The following RMC1 variants were observed in gnomAD, a reference collection of about 807,000 sequenced individuals.
RMC1 encodes the protein regulator of MON1-CCZ1 complex.
In RMC1, 44 loss-of-function variants were observed where a neutral mutation model predicts 95.5. That is an observed-to-expected ratio of 0.46 (90% CI 0.36 to 0.59). RMC1 has a LOEUF of 0.59. Among genes scored for constraint, RMC1 ranks in the 20% least tolerant of loss-of-function variants. The probability of loss-of-function intolerance (pLI) is 0.00; values close to 1 mark genes in which losing one functional copy is unlikely to be tolerated. For synonymous variants in RMC1, 320 were observed against 303.6 expected, an observed-to-expected ratio of 1.05 and a Z score of -0.56; for missense variants, 705 against 819.6, an observed-to-expected ratio of 0.86 and a Z score of 1.71.
chr18:23,525,658 C>T (rs547592168), intron 12 of RMC1, among the ~76,000 whole-genome samples: 17 of 151,682 alleles, frequency 1.1e-4, no homozygotes, highest in Non-Finnish European at 1.9e-4. Flanking sequence ...CTCCTGACCT[C>T]GTGATCTGCC....
chr18:23,503,786 T>C, intron 1 of RMC1, 66 bp downstream of exon 1: 1 of 1,377,942 alleles, frequency 7.3e-7, no homozygotes, highest in Non-Finnish European at 9.7e-7. Context: ...CCAAGGCCGG[T>C]CCCGCGCGAC....
rs114936042 is a variant in RMC1 at position 23,504,170 on chromosome 18, T to A, written c.103-201T>A. Among the ~76,000 whole-genome samples the A allele has an allele frequency of 8.5e-3, 1,288 of 152,388 alleles. 15 individuals are homozygous for A. Among genetic ancestry groups the A allele is most frequent in the African/African-American group, 0.03 (1,233 of 41,594 alleles). ...GGAGCCTCGGGAACCCGACCCGGTG[T>A]CACGGTGGCATCCTTTTCGCTCTCT... On this transcript the variant is annotated intron_variant, in intron 1 of 19. Coordinates refer to ENST00000269221, the MANE Select transcript of RMC1 (RefSeq NM_013326.5).
rs766000038 is a variant in RMC1 at position 23,530,589 on chromosome 18, G to A, written c.1871G>A (p.Arg624Gln). The A allele has an allele frequency of 1.9e-6, 3 of 1,613,872 alleles. No individual in the cohort carries two copies. Among genetic ancestry groups the A allele is most frequent in the Non-Finnish European group, 2.5e-6 (3 of 1,179,804 alleles). Residue 624 changes from arginine (R) to glutamine (Q), a missense_variant, in exon 19 of 20, where the codon CGA (arginine) becomes CAA (glutamine). Physicochemically the swap from Arg to Gln is conservative, Grantham distance 43. Coordinates refer to ENST00000269221, the MANE Select transcript of RMC1 (RefSeq NM_013326.5). ...TTTGAACAGCGAAACCAGCGTTTGC[G>A]AGGGAGCCCCAATTTCACACCAGGT... The part of the protein sequence containing the change: ...RFFEQRNQRL[R>Q]GSPNFTPGEH...
In RMC1 at chr18:23,515,873, G is replaced by A; in HGVS notation, c.426G>A (p.Arg142=). The A allele has an allele frequency of 1.9e-6, 3 of 1,614,128 alleles. No homozygotes were observed. The highest frequency in any genetic ancestry group is 2.5e-6 in the Non-Finnish European group (3 of 1,180,040). ...IEFYQVLPEK[R]SLKLLKSHNL... is the part of the protein sequence containing the mutation. ...TGCTTCAGGTATTACCAGAGAAACG[G>A]AGTCTGAAACTCTTGAAGAGCCACA... Residue 142 remains arginine, a synonymous_variant, in exon 6 of 20, where the codon CGG becomes CGA. Transcript: ENST00000269221.
chr18:23,518,855 C>G lies in RMC1; in HGVS notation c.654-35C>G, dbSNP rs1567922713. ...TTAGAACAAAGGAATTTTGAATGGC[C>G]AGATGTGATTTATGTCTGTTTGTTC... On this transcript the variant is annotated intron_variant, in intron 7 of 19. Coordinates refer to ENST00000269221, the MANE Select transcript of RMC1 (RefSeq NM_013326.5). 1.9e-6 allele frequency: 3 copies of G among 1,589,534 alleles called. No individual in the cohort carries two copies. In the African/African-American group the frequency reaches 4.0e-5, roughly 21 times the overall value.
In RMC1 at chr18:23,531,649, C is replaced by T. The variant is rs2058512459; in HGVS notation, c.1919C>T (p.Ala640Val). 6.2e-7 allele frequency: 1 copy of T among 1,613,266 alleles called. No individual in the cohort carries two copies. Among genetic ancestry groups the T allele is most frequent in the Non-Finnish European group, 8.5e-7 (1 of 1,179,858 alleles). Reference protein sequence around the residue: ...TPGEHCEEHVAFFKQIFGDQA... With the variant: ...TPGEHCEEHVVFFKQIFGDQA... ...GGGGAACACTGTGAAGAACATGTTG[C>T]TTTTTTCAAACAGATTTTTGGAGAC... The change falls in exon 20 of 20, where the codon GCT becomes GTT. Residue 640 changes from alanine to valine, a missense_variant. Physicochemically the swap from Ala to Val is moderately conservative, Grantham distance 64. Transcript: ENST00000269221.
rs1401802715 is a variant in RMC1 at position 23,503,536 on chromosome 18, C to T, written c.-83C>T. The T allele has an allele frequency of 5.2e-6, 5 of 953,728 alleles. No individual in the cohort carries two copies. Among genetic ancestry groups the T allele is most frequent in the Middle Eastern group, 3.7e-4 (1 of 2,722 alleles). The allele number at this position is 953,728 out of a possible 1,614,324, so 59.1% of individuals were successfully genotyped here. On this transcript the variant is annotated 5_prime_UTR_variant, in exon 1 of 20. Transcript: ENST00000269221. ...AGAGCCGCAGCCGCAGCCGCCGCTA[C>T]AGTCCGGGCCGGGCTCCACCGCGCA...
At chr18:23,521,989 G>C (rs1198405724) in intron 10 of RMC1, among the ~76,000 whole-genome samples, 1 of 152,242 alleles carries the variant, frequency 6.6e-6, no homozygotes, top group African/African-American at 2.4e-5. Context: ...TAGTAGTAAT[G>C]TTTTATTCTT....
rs750965677 is a variant in RMC1 at position 23,526,686 on chromosome 18, A to G, written c.1110A>G (p.Leu370=). The G allele has an allele frequency of 6.2e-7, 1 of 1,614,038 alleles. No homozygotes were observed. The highest frequency in any genetic ancestry group is 8.5e-7 in the Non-Finnish European group (1 of 1,180,024). Residue 370 remains leucine, a synonymous_variant, in exon 13 of 20, where the codon TTA becomes TTG. Coordinates refer to ENST00000269221, the MANE Select transcript of RMC1 (RefSeq NM_013326.5). The part of the protein sequence containing the change: ...QVKLEPIVNL[L]PDKGRLMDFL... Reference sequence around the variant, plus strand: ...AACTTGAGCCCATAGTAAATCTCTTACCAGACAAAGGAAGACTCATGGACT... The same window carrying G: ...AACTTGAGCCCATAGTAAATCTCTTGCCAGACAAAGGAAGACTCATGGACT...
chr18:23,529,981 G>C (rs745991444), intron 16 of RMC1, 47 bp from the exon 17 acceptor site: 10 of 1,517,150 alleles, frequency 6.6e-6, no homozygotes, highest in Non-Finnish European at 9.1e-6. Flanking sequence ...GTCTGTTGTA[G>C]CTGAATGATT....
chr18:23,523,656 G>A (rs1370164159), intron 10 of RMC1, among the ~76,000 whole-genome samples: 4 of 151,256 alleles, frequency 2.6e-5, no homozygotes, highest in Admixed American at 6.6e-5. Context: ...CAAGGAGTTC[G>A]TGGTTATAGT....
chr18:23,529,765 A>AC (rs1025783539), intron 16 of RMC1, 53 bp downstream of exon 16: 1 of 1,528,084 alleles, frequency 6.5e-7, no homozygotes, highest in African/African-American at 1.4e-5. Context: ...TTAAAAAAAA[A>AC]ACACAGTCAC....
intron 14 of RMC1, 146 bp from the exon 15 acceptor site, chr18:23,529,033 A>G (rs955724176): frequency 1.5e-6 from 2 of 1,327,496 alleles, no homozygotes; most frequent in African/African-American, 3.0e-5. Context: ...GCATGCGCAC[A>G]GGAAAAAGTT....
intron 5 of RMC1, among the ~76,000 whole-genome samples, chr18:23,512,092 C>G (rs1339995099): frequency 1.3e-5 from 2 of 149,698 alleles, no homozygotes; most frequent in Non-Finnish European, 3.0e-5. Flanking sequence ...GCGATCTCGG[C>G]TCACGGCAAC....
At chr18:23,515,155 T>A (rs920404277) in intron 5 of RMC1, among the ~76,000 whole-genome samples, 1 of 152,168 alleles carries the variant, frequency 6.6e-6, no homozygotes, top group Admixed American at 6.5e-5. Flanking sequence ...GGCCGTTTCC[T>A]GGATGAGGAG....
At position 23,517,412 on chromosome 18, in the gene RMC1, T is replaced by C. The variant is rs1033513148; in HGVS notation, c.653+989T>C. Among the ~76,000 whole-genome samples the C allele has an allele frequency of 2.6e-5, 4 of 152,246 alleles. No individual in the cohort carries two copies. In the East Asian group the frequency reaches 7.7e-4, roughly 29 times the overall value. ...ATCTGCCCTCCTCAGCCTCCCAAAG[T>C]GTTGGGATTACAGGCGTGAGCCACC... On this transcript the variant is annotated intron_variant, in intron 7 of 19. Transcript: ENST00000269221.
Position 23,512,300 on chromosome 18 carries a change from C to T in RMC1, c.408+3021C>T, listed in dbSNP as rs150785663. ...CCCCCTAAAGTGCTGGGATTACAGG[C>T]GTGAGCCACCATGCCTGGCCGAAAG... On this transcript the variant is annotated intron_variant, in intron 5 of 19. Transcript: ENST00000269221. Among the ~76,000 whole-genome samples the T allele has an allele frequency of 0.023, 3,488 of 152,164 alleles. 239 individuals carry two copies. In the East Asian group the frequency reaches 0.29, roughly 13 times the overall value.
intron 14 of RMC1, chr18:23,528,406 C>T (rs954439858): frequency 1.9e-5 from 3 of 154,424 alleles, no homozygotes; most frequent in Non-Finnish European, 4.3e-5. Flanking sequence ...CCAATTCCCG[C>T]TGTATTACTT....
intron 5 of RMC1, chr18:23,509,672 C>T (rs1175934353): frequency 6.5e-6 from 1 of 152,870 alleles, no homozygotes; most frequent in Non-Finnish European, 1.5e-5. Context: ...AAGCGATTCT[C>T]CTGTCTCAGC....
Sources: allele counts gnomAD v4.1 joint callset (sites outside exome capture counted in the v4.1 genomes callset), GRCh38; gene constraint gnomAD v4.1.1; transcripts MANE v1.5; gene names NCBI Gene and HGNC (gene_info 2026-07-23, HGNC 2026-07-21).